The following WDPCP variants were observed in gnomAD, a reference collection of about 807,000 sequenced individuals.
WDPCP encodes WD repeat-containing and planar cell polarity effector protein fritz homolog.
Under a neutral mutation model 93.1 loss-of-function variants are expected in WDPCP, and 71 were observed. That is an observed-to-expected ratio of 0.76 (90% CI 0.63 to 0.93). The LOEUF is 0.93. Among genes scored for constraint, WDPCP ranks in the 40% least tolerant of loss-of-function variants. WDPCP has a pLI of 0.00. For synonymous variants in WDPCP, 315 were observed against 315.0 expected (o/e 1.00, Z 0.00); for missense variants, 844 against 887.4 (o/e 0.95, Z 0.62).
At chr2:63,434,101 C>T (rs1375740436) in intron 8 of WDPCP, among the ~76,000 whole-genome samples, 165 bp from the exon 9 acceptor site, 17 of 152,050 alleles carry the variant, frequency 1.1e-4, no homozygotes. Context: ...TCTTCTGACA[C>T]ATATATAAAA....
At chr2:63,386,122 A>C (rs1692709976) in intron 10 of WDPCP, among the ~76,000 whole-genome samples, 1 of 152,140 alleles carries the variant, frequency 6.6e-6, no homozygotes, top group Admixed American at 6.6e-5. Context: ...CAAAACTTCT[A>C]TAAGAAAATC....
At chr2:63,536,733 A>C (rs1262773241) in intron 1 of WDPCP, among the ~76,000 whole-genome samples, 1 of 151,780 alleles carries the variant, frequency 6.6e-6, no homozygotes, top group Non-Finnish European at 1.5e-5. Flanking sequence ...ATAAAAACAA[A>C]CAACCAAAAA....
intron 2 of WDPCP, among the ~76,000 whole-genome samples, chr2:63,489,381 G>A (rs1700742242): frequency 6.6e-6 from 1 of 152,128 alleles, no homozygotes; most frequent in African/African-American, 2.4e-5. Flanking sequence ...AAATATGGAT[G>A]TAAATATGTG....
chr2:63,722,366 C>T (rs1276314715), intron 2 of WDPCP, among the ~76,000 whole-genome samples: 3 of 150,018 alleles, frequency 2.0e-5, no homozygotes, highest in African/African-American at 4.9e-5. Flanking sequence ...ATGTGGGGAG[C>T]GCCTCTGCCC....
intron 13 of WDPCP, among the ~76,000 whole-genome samples, chr2:63,283,670 T>C (rs1296902337): frequency 6.6e-6 from 1 of 152,180 alleles, no homozygotes; most frequent in Non-Finnish European, 1.5e-5. Flanking sequence ...AATAACACGC[T>C]CAGGACAAGC....
intron 13 of WDPCP, among the ~76,000 whole-genome samples, chr2:63,295,783 A>ACAG (rs1157314533): frequency 6.6e-6 from 1 of 150,782 alleles, no homozygotes; most frequent in Non-Finnish European, 1.5e-5. Context: ...TCTTCGAACA[A>ACAG]CAACAACAAC....
At chr2:63,170,673 A>T (rs1341712034) in intron 15 of WDPCP, among the ~76,000 whole-genome samples, 1 of 152,032 alleles carries the variant, frequency 6.6e-6, no homozygotes, top group East Asian at 1.9e-4. Context: ...CTTTGACATC[A>T]TGATTGTTTT....
intron 7 of WDPCP, 79 bp downstream of exon 7, chr2:63,439,678 A>G: frequency 7.9e-7 from 1 of 1,268,648 alleles, no homozygotes; most frequent in Non-Finnish European, 1.1e-6. Context: ...AGTGGTAATA[A>G]TTAGTCTACC....
At chr2:63,687,500 T>C (rs1340257061) in intron 2 of WDPCP, among the ~76,000 whole-genome samples, 2 of 151,890 alleles carry the variant, frequency 1.3e-5, no homozygotes. Flanking sequence ...AATCTAATAA[T>C]CCCATCAAAG....
At chr2:63,745,355 A>T (rs965694267) in intron 2 of WDPCP, among the ~76,000 whole-genome samples, 2 of 152,204 alleles carry the variant, frequency 1.3e-5, no homozygotes, top group African/African-American at 2.4e-5. Context: ...ATATGGTTAA[A>T]ACTATTCCAC....
chr2:63,566,536 C>T (rs1243279659), intron 1 of WDPCP, among the ~76,000 whole-genome samples: 4 of 152,180 alleles, frequency 2.6e-5, no homozygotes, highest in African/African-American at 9.7e-5. Flanking sequence ...GAAGCTGTGT[C>T]ACAGGCGCGT....
intron 6 of WDPCP, among the ~76,000 whole-genome samples, chr2:63,483,389 A>T (rs1367141242): frequency 6.6e-6 from 1 of 151,950 alleles, no homozygotes; most frequent in Non-Finnish European, 1.5e-5. Flanking sequence ...TTTTAATAGT[A>T]TCCTAAGGCA....
intron 3 of WDPCP, among the ~76,000 whole-genome samples, chr2:63,609,564 G>A (rs1011025845): frequency 6.6e-6 from 1 of 152,142 alleles, no homozygotes; most frequent in Non-Finnish European, 1.5e-5. Context: ...CAATTAGTTG[G>A]AAGCATGAAA....
intron 11 of WDPCP, 124 bp downstream of exon 11, chr2:63,381,782 G>T: frequency 1.0e-6 from 1 of 956,996 alleles, no homozygotes; most frequent in Non-Finnish European, 1.6e-6. Context: ...TTTTAATAGA[G>T]CACTAACATT....
At chr2:63,425,061 C>A (rs752189755) in intron 9 of WDPCP, among the ~76,000 whole-genome samples, 3 of 152,188 alleles carry the variant, frequency 2.0e-5, no homozygotes, top group Non-Finnish European at 4.4e-5. Context: ...AAATACTCTT[C>A]CAGTATACAT....
chr2:63,225,566 G>T (rs1359456908), intron 14 of WDPCP, among the ~76,000 whole-genome samples: 1 of 151,696 alleles, frequency 6.6e-6, no homozygotes, highest in Non-Finnish European at 1.5e-5. Context: ...CATTCACAAA[G>T]GACATGCAGG....
intron 15 of WDPCP, among the ~76,000 whole-genome samples, chr2:63,165,908 T>C (rs1672932442): frequency 6.6e-6 from 1 of 151,956 alleles, no homozygotes; most frequent in East Asian, 1.9e-4. Context: ...GGATTTGATA[T>C]CTTACTACAG....
In WDPCP at chr2:63,735,181, G is replaced by A. The variant is rs184452349; in HGVS notation, n.308+78441C>T. Reference sequence around the variant, plus strand: ...TGAATACAAATATCTATAATATAGAGTGGAAGTGATAGCTCCTATGATAGA... The same window carrying A: ...TGAATACAAATATCTATAATATAGAATGGAAGTGATAGCTCCTATGATAGA... On this transcript the variant is annotated intron_variant and non_coding_transcript_variant, in intron 2 of 4. Transcript: ENST00000467687. 1.9e-4 allele frequency among the ~76,000 whole-genome samples: 29 copies of A among 152,280 alleles called. 1 individual carries two copies. The East Asian group carries it at 5.2e-3, about 27-fold the overall frequency.
intron 14 of WDPCP, among the ~76,000 whole-genome samples, chr2:63,253,139 G>T (rs1451096813): frequency 6.6e-6 from 1 of 151,958 alleles, no homozygotes; most frequent in African/African-American, 2.4e-5. Flanking sequence ...ATCTTCGACA[G>T]TCAAGAAAAG....
Sources: allele counts gnomAD v4.1 joint callset (sites outside exome capture counted in the v4.1 genomes callset), GRCh38; gene constraint gnomAD v4.1.1; transcripts MANE v1.5; gene names NCBI Gene and HGNC (gene_info 2026-07-23, HGNC 2026-07-21).